ADGRB3: variants seen among roughly 807,000 people sequenced by gnomAD.
ADGRB3 encodes brain-specific angiogenesis inhibitor 3.
Under a neutral mutation model 193.4 loss-of-function variants are expected in ADGRB3, and 37 were observed. The ratio of observed to expected loss-of-function variants is 0.19; its 90% CI spans 0.15 to 0.25. The LOEUF is 0.25. ADGRB3 is among the 10% of genes least tolerant of loss of function. The pLI, the probability that ADGRB3 is intolerant of heterozygous loss-of-function variation, is 1.00. For synonymous variants in ADGRB3, 690 were observed against 644.2 expected (o/e 1.07, Z -1.08); for missense variants, 1,637 against 1,852.9 (o/e 0.88, Z 2.14).
At chr6:68,944,134 C>A in intron 6 of ADGRB3, 140 bp downstream of exon 6, 2 of 881,414 alleles carry the variant, frequency 2.3e-6, no homozygotes, top group Non-Finnish European at 3.3e-6. Flanking sequence ...TTGCCTAAAA[C>A]TGGGTACTTT....
intron 13 of ADGRB3, among the ~76,000 whole-genome samples, chr6:69,043,319 A>AG (rs1771137320): frequency 6.6e-6 from 1 of 151,468 alleles, no homozygotes; most frequent in African/African-American, 2.4e-5. Flanking sequence ...AAAGAAAGAA[A>AG]GAAAGAAAGA....
chr6:69,211,013 G>A (rs929413196), intron 17 of ADGRB3, among the ~76,000 whole-genome samples: 1 of 151,834 alleles, frequency 6.6e-6, no homozygotes. Flanking sequence ...TCCCAGCTAC[G>A]CGGGAGGCTG....
At chr6:69,271,935 A>G (rs1214284192) in intron 20 of ADGRB3, among the ~76,000 whole-genome samples, 2 of 152,248 alleles carry the variant, frequency 1.3e-5, no homozygotes, top group Non-Finnish European at 2.9e-5. Context: ...TGCAGTGTAG[A>G]AAGGTACCAT....
chr6:69,096,182 G>T (rs1055499863), intron 17 of ADGRB3, among the ~76,000 whole-genome samples: 1 of 152,148 alleles, frequency 6.6e-6, no homozygotes, highest in Admixed American at 6.5e-5. Context: ...GAATATTTTA[G>T]CTTTCCTAAT....
At chr6:68,965,397 G>A (rs781049162) in intron 8 of ADGRB3, among the ~76,000 whole-genome samples, 4 of 152,084 alleles carry the variant, frequency 2.6e-5, no homozygotes, top group Non-Finnish European at 4.4e-5. Flanking sequence ...AAGAATTCAT[G>A]AATTGCCAAC....
chr6:69,171,075 T>C (rs1017549547), intron 17 of ADGRB3, among the ~76,000 whole-genome samples: 5 of 152,304 alleles, frequency 3.3e-5, no homozygotes, highest in African/African-American at 1.2e-4. Context: ...ACCCAATATA[T>C]CTAAAATACT....
chr6:69,191,316 A>C (rs924901044), intron 17 of ADGRB3, among the ~76,000 whole-genome samples: 1 of 152,126 alleles, frequency 6.6e-6, no homozygotes, highest in Non-Finnish European at 1.5e-5. Context: ...TTTCAATACA[A>C]AAGGATTTAT....
chr6:68,880,410 T>A (rs747130746), intron 3 of ADGRB3, among the ~76,000 whole-genome samples: 3 of 152,234 alleles, frequency 2.0e-5, no homozygotes, highest in Non-Finnish European at 2.9e-5. Flanking sequence ...GTCAAATTTG[T>A]TTCTTAAGTG....
chr6:68,714,123 G>T, intron 3 of ADGRB3, among the ~76,000 whole-genome samples: 1 of 151,722 alleles, frequency 6.6e-6, no homozygotes, highest in East Asian at 1.9e-4. Flanking sequence ...AATGTAAGCT[G>T]TTAATTGCTT....
chr6:68,656,070 C>T (rs953523919), intron 3 of ADGRB3, among the ~76,000 whole-genome samples: 8 of 151,512 alleles, frequency 5.3e-5, no homozygotes, highest in African/African-American at 1.9e-4. Flanking sequence ...TCCTCCTGAG[C>T]AGAGTCAATT....
At chr6:69,231,749 T>G (rs1437758175) in intron 17 of ADGRB3, among the ~76,000 whole-genome samples, 1 of 152,102 alleles carries the variant, frequency 6.6e-6, no homozygotes, top group African/African-American at 2.4e-5. Flanking sequence ...TACTTAGAAG[T>G]ATTGGGGTAA....
At chr6:69,281,257 A>AG (rs1203619670) in intron 20 of ADGRB3, among the ~76,000 whole-genome samples, 2 of 152,180 alleles carry the variant, frequency 1.3e-5, no homozygotes, top group African/African-American at 4.8e-5. Flanking sequence ...TGGGTACAAC[A>AG]GGGATAGACT....
At chr6:69,062,766 A>G (rs1771786169) in intron 15 of ADGRB3, among the ~76,000 whole-genome samples, 168 bp from the exon 16 acceptor site, 1 of 152,080 alleles carries the variant, frequency 6.6e-6, no homozygotes, top group Middle Eastern at 3.4e-3. Context: ...TCTGTTCCAC[A>G]TAAGGTTTCT....
intron 17 of ADGRB3, among the ~76,000 whole-genome samples, chr6:69,102,316 A>C (rs1017746471): frequency 1.7e-4 from 26 of 152,058 alleles, no homozygotes; most frequent in Non-Finnish European, 3.4e-4. Flanking sequence ...CAGCAGACAC[A>C]TTTTCTGAAA....
intron 17 of ADGRB3, among the ~76,000 whole-genome samples, chr6:69,113,799 A>G (rs1044610210): frequency 6.6e-6 from 1 of 152,146 alleles, no homozygotes; most frequent in Admixed American, 6.5e-5. Context: ...TTCTCTTAAT[A>G]ATGTTTTTCA....
chr6:68,716,214 T>C (rs930997802), intron 3 of ADGRB3, among the ~76,000 whole-genome samples: 1 of 151,756 alleles, frequency 6.6e-6, no homozygotes, highest in Admixed American at 6.6e-5. Flanking sequence ...TGTCTGGGAA[T>C]ACCTGGAGTT....
At chr6:68,960,351 C>T (rs775950316) in intron 8 of ADGRB3, among the ~76,000 whole-genome samples, 4 of 151,956 alleles carry the variant, frequency 2.6e-5, no homozygotes, top group Admixed American at 1.3e-4. Flanking sequence ...GCAACTTAGA[C>T]CAGAAATGTA....
At chr6:69,330,415 A>C in intron 22 of ADGRB3, 91 bp from the exon 23 acceptor site, 1 of 947,980 alleles carries the variant, frequency 1.1e-6, no homozygotes, top group Non-Finnish European at 1.5e-6. Flanking sequence ...ATTCCAAGGC[A>C]AAATGTATAA....
chr6:68,710,154 A>T (rs186908486), intron 3 of ADGRB3, among the ~76,000 whole-genome samples: 3 of 152,212 alleles, frequency 2.0e-5, no homozygotes, highest in African/African-American at 7.2e-5. Context: ...AGAGGCTGGC[A>T]AGTGGGGAGG....
Sources: gnomAD v4.1 joint callset for allele counts (sites outside exome capture counted in the v4.1 genomes callset) on GRCh38, gnomAD v4.1.1 for gene constraint, MANE v1.5 for transcripts, NCBI Gene and HGNC (gene_info 2026-07-23, HGNC 2026-07-21) for gene names.